MAP3K5: variants seen among roughly 807,000 people sequenced by gnomAD.
The protein encoded by MAP3K5 is mitogen-activated protein kinase kinase kinase 5.
Under a neutral mutation model 158.7 loss-of-function variants are expected in MAP3K5, and 56 were observed. That is an observed-to-expected ratio of 0.35 (90% CI 0.28 to 0.44). The LOEUF is 0.44. Among genes scored for constraint, MAP3K5 ranks in the 20% least tolerant of loss-of-function variants. The pLI, the probability that MAP3K5 is intolerant of heterozygous loss-of-function variation, is 1.00. For synonymous variants in MAP3K5, 579 were observed against 601.7 expected (o/e 0.96, Z 0.55); for missense variants, 1,294 against 1,674.8 (o/e 0.77, Z 3.97).
chr6:136,640,146 G>A (rs1777856461), intron 12 of MAP3K5, among the ~76,000 whole-genome samples: 1 of 152,246 alleles, frequency 6.6e-6, no homozygotes, highest in South Asian at 2.1e-4. Flanking sequence ...GTGAGTGGCT[G>A]ACTTTACGGC....
chr6:136,563,580 T>A (rs1830610650), intron 26 of MAP3K5, among the ~76,000 whole-genome samples: 1 of 152,176 alleles, frequency 6.6e-6, no homozygotes, highest in Non-Finnish European at 1.5e-5. Context: ...CAGTTCCTAG[T>A]TGGCATCTGA....
At chr6:136,676,624 G>T (rs979103492) in intron 7 of MAP3K5, among the ~76,000 whole-genome samples, 8 of 151,942 alleles carry the variant, frequency 5.3e-5, no homozygotes, top group Non-Finnish European at 8.8e-5. Flanking sequence ...TTCCTCTGAA[G>T]AATTGGTATA....
At chr6:136,735,753 C>T (rs1429372146) in intron 1 of MAP3K5, among the ~76,000 whole-genome samples, 2 of 151,962 alleles carry the variant, frequency 1.3e-5, no homozygotes, top group Non-Finnish European at 2.9e-5. Flanking sequence ...GGCTTGGGCC[C>T]GGGAGTTCAA....
In MAP3K5 at chr6:136,705,116, C is replaced by A; in HGVS notation, c.606G>T (p.Lys202Asn). The change falls in exon 3 of 30, where the codon AAG becomes AAT. Residue 202 changes from lysine to asparagine, a missense_variant. Coordinates refer to ENST00000359015, the MANE Select transcript of MAP3K5 (RefSeq NM_005923.4). ...LQSLKEIICQ[K>N]NTMCTGNYTF... ...GGTTAAATAAAGTACTCACAGTATT[C>A]TTCTGGCAAATTATTTCCTGAAAAA... 8.2e-7 allele frequency: 1 copy of A among 1,215,988 alleles called. No individual in the cohort carries two copies. The allele number at this position is 1,215,988 out of a possible 1,614,324, so 75.3% of individuals were successfully genotyped here.
chr6:136,558,903 A>C, intron 28 of MAP3K5, 27 bp from the exon 29 acceptor site: 1 of 1,158,702 alleles, frequency 8.6e-7, no homozygotes, highest in Middle Eastern at 2.0e-4. Flanking sequence ...ATATGCACAA[A>C]AGATGTTTTA....
chr6:136,740,709 T>C (rs1782673574), intron 1 of MAP3K5, among the ~76,000 whole-genome samples: 1 of 152,248 alleles, frequency 6.6e-6, no homozygotes, highest in Admixed American at 6.5e-5. Context: ...TTTCCTTGGA[T>C]TCTCGAGTGA....
chr6:136,749,067 A>G (rs1262593937), intron 1 of MAP3K5, among the ~76,000 whole-genome samples: 1 of 152,244 alleles, frequency 6.6e-6, no homozygotes, highest in African/African-American at 2.4e-5. Flanking sequence ...GGCCGGGCAC[A>G]GTGGCTCATG....
chr6:136,730,164 T>TTG (rs1782153848), intron 1 of MAP3K5, among the ~76,000 whole-genome samples: 1 of 134,758 alleles, frequency 7.4e-6, no homozygotes, highest in Non-Finnish European at 1.5e-5. Context: ...TTTTTTTTTT[T>TTG]TTGTTTTTTG....
Position 136,640,896 on chromosome 6 carries a change from A to C in MAP3K5, c.1839-1258T>G, listed in dbSNP as rs772442215. Among the ~76,000 whole-genome samples, 5 of 152,188 alleles carry C rather than the reference A, an allele frequency of 3.3e-5. No individual in the cohort carries two copies. In the East Asian group the frequency reaches 7.7e-4, roughly 23 times the overall value. The stretch of plus-strand genomic sequence containing the variant: ...AGCTCTCTTTGAAGTCACAGACTAC[A>C]ACTCAAGTTTCTCAGCATATAAGCC... On this transcript the variant is annotated intron_variant, in intron 12 of 29. Coordinates refer to ENST00000359015, the MANE Select transcript of MAP3K5 (RefSeq NM_005923.4).
chr6:136,710,776 G>A (rs1781272785), intron 2 of MAP3K5, among the ~76,000 whole-genome samples: 1 of 152,080 alleles, frequency 6.6e-6, no homozygotes, highest in Admixed American at 6.5e-5. Context: ...TGGAGTTCTT[G>A]CCCAGGGAAA....
At chr6:136,753,223 C>A (rs536743164) in intron 1 of MAP3K5, among the ~76,000 whole-genome samples, 1 of 152,238 alleles carries the variant, frequency 6.6e-6, no homozygotes, top group East Asian at 1.9e-4. Context: ...CATGGGAAGA[C>A]TGTATTTAAA....
intron 2 of MAP3K5, 52 bp from the exon 3 acceptor site, chr6:136,705,185 T>A: frequency 1.2e-6 from 1 of 837,730 alleles, no homozygotes; most frequent in Non-Finnish European, 1.9e-6. Context: ...ACTGAATAAT[T>A]CAACAACATT....
chr6:136,642,663 C>T (rs1006744519), intron 11 of MAP3K5, 94 bp from the exon 12 acceptor site: 5 of 829,566 alleles, frequency 6.0e-6, no homozygotes, highest in Non-Finnish European at 1.0e-5. Context: ...GTGATATACA[C>T]AGCCATTTTT....
At chr6:136,606,077 G>C (rs999542350) in intron 18 of MAP3K5, among the ~76,000 whole-genome samples, 5 of 152,218 alleles carry the variant, frequency 3.3e-5, no homozygotes, top group Non-Finnish European at 4.4e-5. Flanking sequence ...TGAAGGCCGG[G>C]TGCGGTGGCT....
chr6:136,735,556 G>A (rs1782420342), intron 1 of MAP3K5, among the ~76,000 whole-genome samples: 1 of 152,180 alleles, frequency 6.6e-6, no homozygotes, highest in African/African-American at 2.4e-5. Context: ...TAGGCCGGGT[G>A]AGGTGGCTCA....
intron 14 of MAP3K5, among the ~76,000 whole-genome samples, chr6:136,636,081 T>C (rs1044864376): frequency 2.0e-5 from 3 of 152,178 alleles, no homozygotes; most frequent in African/African-American, 7.2e-5. Flanking sequence ...TCAGTATGGC[T>C]TGGTGCTATG....
rs574819446 is a variant in MAP3K5 at position 136,779,361 on chromosome 6, TGA to T, written c.448+12347_448+12348del. Among the ~76,000 whole-genome samples the T allele has an allele frequency of 1.5e-4, 22 of 150,656 alleles. No homozygotes were observed. In the South Asian group the frequency reaches 4.6e-3, roughly 32 times the overall value. On this transcript the variant is annotated intron_variant, in intron 1 of 29. Transcript: ENST00000359015. Reference sequence around the variant, plus strand: ...GGGAGGCTGAGGCAGGAGGATCACTTGAGTCTGGAAGATCAAGACTGCAGTGA... The same window carrying T: ...GGGAGGCTGAGGCAGGAGGATCACTTGTCTGGAAGATCAAGACTGCAGTGA...
At chr6:136,780,979 G>A (rs987066621) in intron 1 of MAP3K5, among the ~76,000 whole-genome samples, 3 of 152,006 alleles carry the variant, frequency 2.0e-5, no homozygotes, top group Admixed American at 1.3e-4. Context: ...TTAGTTCTTC[G>A]ATACATCCTG....
chr6:136,605,519 C>T (rs1776063851), intron 18 of MAP3K5, among the ~76,000 whole-genome samples, 153 bp from the exon 19 acceptor site: 2 of 152,164 alleles, frequency 1.3e-5, no homozygotes, highest in Admixed American at 1.3e-4. Context: ...GTTTTCTCTG[C>T]TATTAATAAA....
Sources: allele counts gnomAD v4.1 joint callset (sites outside exome capture counted in the v4.1 genomes callset), GRCh38; gene constraint gnomAD v4.1.1; transcripts MANE v1.5; gene names NCBI Gene and HGNC (gene_info 2026-07-23, HGNC 2026-07-21).